JKAMP: variants seen among roughly 807,000 people sequenced by gnomAD.
The protein encoded by JKAMP is JNK1/MAPK8 associated membrane protein.
JKAMP carries 20 observed loss-of-function variants against 40.2 expected under a neutral mutation model. The observed-to-expected ratio is 0.50, with a 90% CI of 0.35 to 0.72. The LOEUF (loss-of-function observed/expected upper bound fraction) is 0.72, where lower values mean the gene tolerates loss of function less well. JKAMP is among the 30% of genes least tolerant of loss of function. JKAMP has a pLI of 0.01. For missense variants in JKAMP, 276 were observed against 373.0 expected (o/e 0.74, Z 2.14); for synonymous variants, 138 against 131.6 (o/e 1.05, Z -0.33).
intron 6 of JKAMP, among the ~76,000 whole-genome samples, chr14:59,502,424 A>G (rs113112586): frequency 0.04 from 6,097 of 152,280 alleles, 164 homozygotes; most frequent in Non-Finnish European, 0.058. Flanking sequence ...CCAAGAGAAA[A>G]TAAGTTGTAA....
Position 59,498,777 on chromosome 14 carries a change from T to C in JKAMP, c.509T>C (p.Leu170Pro). 1 of 1,604,518 alleles carries C rather than the reference T, an allele frequency of 6.2e-7. No homozygotes were observed. Among genetic ancestry groups the C allele is most frequent in the East Asian group, 2.2e-5 (1 of 44,746 alleles). Reference protein sequence around the residue: ...YYAFCLVLMMLLRPLLVKKIA... With the variant: ...YYAFCLVLMMPLRPLLVKKIA... ...GCATTCTGCTTGGTATTAATGATGC[T>C]GCTCCGACCTCTTCTGGTGAAGAAG... The change falls in exon 5 of 7, where the codon CTG becomes CCG. Residue 170 changes from leucine (L) to proline (P), a missense_variant. Leu to Pro is a moderately conservative substitution (Grantham distance 98). Transcript: ENST00000616435.
In JKAMP at chr14:59,503,849, T is replaced by C. The variant is rs1892142837; in HGVS notation, c.718-5T>C. On this transcript the variant is annotated splice_region_variant and splice_polypyrimidine_tract_variant and intron_variant, in intron 6 of 6. Coordinates refer to ENST00000616435, the MANE Select transcript of JKAMP (RefSeq NM_016475.5). ...CTCTTTTCTTTCTTTTACAAAATTA[T>C]ATAGAACTGCTATGATCTTCTGGTC... 2 of 1,591,292 alleles carry C rather than the reference T, an allele frequency of 1.3e-6. No individual in the cohort carries two copies. Among genetic ancestry groups the C allele is most frequent in the African/African-American group, 1.3e-5 (1 of 74,360 alleles).
chr14:59,499,769 A>G (rs777170685), intron 5 of JKAMP, among the ~76,000 whole-genome samples: 29 of 152,150 alleles, frequency 1.9e-4, no homozygotes, highest in Non-Finnish European at 4.0e-4. Flanking sequence ...GACCAAGGGA[A>G]CCAGAAATTC....
At chr14:59,492,050 T>G (rs1005902161) in intron 3 of JKAMP, among the ~76,000 whole-genome samples, 7 of 152,176 alleles carry the variant, frequency 4.6e-5, no homozygotes, top group Non-Finnish European at 8.8e-5. Flanking sequence ...CTAGGACTTA[T>G]TGGTACATGC....
At chr14:59,502,773 T>TGTTTTTGTTTTTTTTTTTTTTG (rs796697193) in intron 6 of JKAMP, among the ~76,000 whole-genome samples, 4 of 102,836 alleles carry the variant, frequency 3.9e-5, no homozygotes, top group Non-Finnish European at 7.4e-5. Context: ...TTTTTTTTTT[T>TGTTTTTGTTTTTTTTTTTTTTG]CGGAGTCTCA....
chr14:59,488,976 G>T (rs61026640), intron 3 of JKAMP, among the ~76,000 whole-genome samples: 1 of 152,226 alleles, frequency 6.6e-6, no homozygotes, highest in African/African-American at 2.4e-5. Flanking sequence ...CTCTGGGCCT[G>T]TGGTCGGACA....
chr14:59,492,063 C>T (rs1891056454), intron 3 of JKAMP, among the ~76,000 whole-genome samples: 1 of 152,152 alleles, frequency 6.6e-6, no homozygotes, highest in Non-Finnish European at 1.5e-5. Flanking sequence ...GTACATGCAA[C>T]AAACAATATA....
At chr14:59,497,777 G>C (rs986942952) in intron 4 of JKAMP, among the ~76,000 whole-genome samples, 1 of 152,112 alleles carries the variant, frequency 6.6e-6, no homozygotes, top group Non-Finnish European at 1.5e-5. Context: ...TACTGTACAG[G>C]ACTGAACCTA....
intron 3 of JKAMP, among the ~76,000 whole-genome samples, chr14:59,494,679 ATAT>A (rs1196543655): frequency 2.0e-5 from 3 of 152,208 alleles, no homozygotes; most frequent in African/African-American, 4.8e-5. Context: ...TGAGCTTATA[ATAT>A]TATAATTACT....
intron 2 of JKAMP, 83 bp from the exon 3 acceptor site, chr14:59,487,591 G>A: frequency 1.0e-6 from 1 of 978,200 alleles, no homozygotes; most frequent in Non-Finnish European, 1.6e-6. Context: ...AACTGAAATG[G>A]GATGTCTTAT....
intron 4 of JKAMP, 183 bp downstream of exon 4, chr14:59,495,407 G>C: frequency 3.5e-6 from 2 of 572,782 alleles, no homozygotes; most frequent in Non-Finnish European, 3.1e-6. Flanking sequence ...GGTAAAATGG[G>C]AATAATGATC....
At chr14:59,494,627 A>G (rs1389024154) in intron 3 of JKAMP, among the ~76,000 whole-genome samples, 1 of 152,226 alleles carries the variant, frequency 6.6e-6, no homozygotes, top group Non-Finnish European at 1.5e-5. Context: ...ACAAAGATGT[A>G]GTTACAAATT....
rs748020187 is a variant in JKAMP, at chr14:59,484,580, C to A, written c.-10C>A. 2.5e-6 allele frequency: 4 copies of A among 1,575,674 alleles called. No individual in the cohort carries two copies. Among genetic ancestry groups the A allele is most frequent in the Admixed American group, 1.8e-5 (1 of 54,278 alleles). On this transcript the variant is annotated 5_prime_UTR_variant, in exon 1 of 7. Coordinates refer to ENST00000616435, the MANE Select transcript of JKAMP (RefSeq NM_016475.5). The stretch of plus-strand genomic sequence containing the variant: ...TCTAGTGCTTCTCGAAAAAAACCTT[C>A]AGGCGGCCCATGGGTGAGTGGTCGC...
chr14:59,498,909 G>A lies in JKAMP; in HGVS notation c.640+1G>A. On this transcript the variant is annotated splice_donor_variant, in intron 5 of 6. Coordinates refer to ENST00000616435, the MANE Select transcript of JKAMP (RefSeq NM_016475.5). LOFTEE classifies it high-confidence loss of function. The stretch of plus-strand genomic sequence containing the variant: ...CAGGCAGTTGGTGGAGGCCTTTTAT[G>A]TAAGTTTGATGGGTAAAGTCAATGA... 6.4e-7 allele frequency: 1 copy of A among 1,563,828 alleles called. No individual in the cohort carries two copies. Among genetic ancestry groups the A allele is most frequent in the Non-Finnish European group, 8.7e-7 (1 of 1,148,122 alleles).
Position 59,501,253 on chromosome 14 carries a change from G to A in JKAMP, c.703G>A (p.Ala235Thr), listed in dbSNP as rs762438754. Residue 235 changes from alanine to threonine, a missense_variant, in exon 6 of 7, where the codon GCT becomes ACT. By Grantham distance (58) the Ala-to-Thr change is moderately conservative (BLOSUM62 0). Coordinates refer to ENST00000616435, the MANE Select transcript of JKAMP (RefSeq NM_016475.5). ...SLVTLAVYMSASEIENCYDLL... is the reference protein window; with the variant it reads ...SLVTLAVYMSTSEIENCYDLL... ...GGTTACTCTGGCTGTGTACATGTCT[G>A]CTTCTGAAATAGAGGTAGGAAGTCT... 6.3e-7 allele frequency: 1 copy of A among 1,597,156 alleles called. No homozygotes were observed. Among genetic ancestry groups the A allele is most frequent in the Admixed American group, 1.7e-5 (1 of 59,324 alleles).
rs1891855601 is a variant in JKAMP at position 59,501,243 on chromosome 14, G to A, written c.693G>A (p.Val231=). 2.5e-6 allele frequency: 4 copies of A among 1,602,140 alleles called. No individual in the cohort carries two copies. Among genetic ancestry groups the A allele is most frequent in the African/African-American group, 1.3e-5 (1 of 74,504 alleles). Residue 231 remains valine (V), a synonymous_variant, in exon 6 of 7, where the codon GTG becomes GTA. Coordinates refer to ENST00000616435, the MANE Select transcript of JKAMP (RefSeq NM_016475.5). ...TGTTATCTTTGGTTACTCTGGCTGT[G>A]TACATGTCTGCTTCTGAAATAGAGG... The part of the protein sequence containing the change: ...ILVLSLVTLA[V]YMSASEIENC...
intron 5 of JKAMP, among the ~76,000 whole-genome samples, chr14:59,499,492 A>G (rs1024876354): frequency 2.2e-4 from 33 of 152,210 alleles, no homozygotes; most frequent in Non-Finnish European, 5.9e-5. Context: ...TAATGTAACC[A>G]TTAATTCATT....
intron 3 of JKAMP, among the ~76,000 whole-genome samples, chr14:59,489,012 C>T (rs1890790714): frequency 6.6e-6 from 1 of 152,262 alleles, no homozygotes; most frequent in South Asian, 2.1e-4. Flanking sequence ...TTCTGAAATG[C>T]CTTCAAGCCT....
Position 59,487,804 on chromosome 14 carries a change from T to C in JKAMP, c.227T>C (p.Ile76Thr), listed in dbSNP as rs1890692502. Residue 76 changes from isoleucine (I) to threonine (T), a missense_variant, in exon 3 of 7, where the codon ATT (isoleucine) becomes ACT (threonine). Transcript: ENST00000616435. ...CCTCTGGTTTTACATTGGTTCTTCA[T>C]TGAATGGTACTCGGGGAAAAAGAGG... Reference protein sequence around the residue: ...MLPLVLHWFFIEWYSGKKSSS... With the variant: ...MLPLVLHWFFTEWYSGKKSSS... 2.5e-6 allele frequency: 4 copies of C among 1,613,694 alleles called. No individual in the cohort carries two copies. Among genetic ancestry groups the C allele is most frequent in the Non-Finnish European group, 3.4e-6 (4 of 1,179,698 alleles).
Sources: gnomAD v4.1 joint callset for allele counts (sites outside exome capture counted in the v4.1 genomes callset) on GRCh38, gnomAD v4.1.1 for gene constraint, MANE v1.5 for transcripts, NCBI Gene and HGNC (gene_info 2026-07-23, HGNC 2026-07-21) for gene names.